NCAM2: variants seen among roughly 807,000 people sequenced by gnomAD.
The protein encoded by NCAM2 is neural cell adhesion molecule 2.
Under a neutral mutation model 98.1 loss-of-function variants are expected in NCAM2, and 30 were observed. The ratio of observed to expected loss-of-function variants is 0.31; its 90% confidence interval spans 0.23 to 0.41. NCAM2 has a LOEUF of 0.41. Among genes scored for constraint, NCAM2 ranks in the 10% least tolerant of loss-of-function variants. NCAM2 has a pLI of 1.00. For synonymous variants in NCAM2, 368 were observed against 342.4 expected (o/e 1.07, Z -0.83); for missense variants, 867 against 1,005.8 (o/e 0.86, Z 1.87).
intron 1 of NCAM2, among the ~76,000 whole-genome samples, chr21:21,039,819 T>C (rs553647009): frequency 8.5e-5 from 13 of 152,264 alleles, no homozygotes; most frequent in Admixed American, 7.8e-4. Flanking sequence ...AGTGTTAGGA[T>C]TGCTTGTTGA....
Position 21,169,034 on chromosome 21 carries a change from T to C in NCAM2, c.56-111544T>C, listed in dbSNP as rs146286882. ...GTTGGAAGACTCCATTATTAGACTT[T>C]AAGATTTACTATCTATCTGCAGTAC... On this transcript the variant is annotated intron_variant, in intron 1 of 17. Coordinates refer to ENST00000400546, the MANE Select transcript of NCAM2 (RefSeq NM_004540.5). 2.6e-5 allele frequency among the ~76,000 whole-genome samples: 4 copies of C among 152,274 alleles called. No homozygotes were observed. The East Asian group carries it at 7.7e-4, about 29-fold the overall frequency.
intron 15 of NCAM2, among the ~76,000 whole-genome samples, chr21:21,483,371 A>T (rs1986062678): frequency 6.6e-6 from 1 of 152,098 alleles, no homozygotes; most frequent in African/African-American, 2.4e-5. Flanking sequence ...AAGCTAAAAA[A>T]AATAATATAA....
At chr21:21,220,740 C>T (rs370645294) in intron 1 of NCAM2, among the ~76,000 whole-genome samples, 3 of 152,090 alleles carry the variant, frequency 2.0e-5, no homozygotes, top group Admixed American at 6.6e-5. Flanking sequence ...TTCTTATTAT[C>T]GTAGAATGTA....
chr21:21,226,926 C>A (rs923676535), intron 1 of NCAM2: 1 of 151,718 alleles, frequency 6.6e-6, no homozygotes, highest in Admixed American at 6.6e-5. Flanking sequence ...ATATGATTAT[C>A]GAAGTTGATG....
intron 1 of NCAM2, among the ~76,000 whole-genome samples, chr21:21,252,925 C>T (rs767874613): frequency 3.3e-5 from 5 of 152,058 alleles, no homozygotes; most frequent in Middle Eastern, 3.4e-3. Flanking sequence ...AGTGAACATC[C>T]GAAGCATTAT....
At chr21:21,040,252 G>A (rs2064877452) in intron 1 of NCAM2, among the ~76,000 whole-genome samples, 1 of 152,104 alleles carries the variant, frequency 6.6e-6, no homozygotes, top group African/African-American at 2.4e-5. Flanking sequence ...AAAGACTCAT[G>A]AAGCTTTGGC....
At chr21:21,475,248 A>G (rs1985015028) in intron 14 of NCAM2, among the ~76,000 whole-genome samples, 2 of 152,056 alleles carry the variant, frequency 1.3e-5, no homozygotes, top group South Asian at 4.1e-4. Context: ...TATTATTTCC[A>G]GGAAGGGTGA....
intron 1 of NCAM2, among the ~76,000 whole-genome samples, chr21:21,156,616 A>G (rs149405077): frequency 1.3e-5 from 2 of 151,550 alleles, no homozygotes; most frequent in African/African-American, 4.8e-5. Flanking sequence ...AGATAGATAG[A>G]TAATTGTAGA....
intron 15 of NCAM2, among the ~76,000 whole-genome samples, chr21:21,507,028 A>G (rs1988021933): frequency 2.6e-5 from 4 of 152,086 alleles, no homozygotes; most frequent in Admixed American, 2.6e-4. Flanking sequence ...CAAAATCACA[A>G]ATTGAATGAT....
intron 14 of NCAM2, among the ~76,000 whole-genome samples, chr21:21,472,967 TACAC>T (rs3039039): frequency 0.039 from 5,615 of 142,280 alleles, 123 homozygotes; most frequent in Non-Finnish European, 0.048. Flanking sequence ...TACATATATG[TACAC>T]ACACACACAC....
chr21:21,289,879 C>T (rs1277352525), intron 4 of NCAM2, among the ~76,000 whole-genome samples: 1 of 151,844 alleles, frequency 6.6e-6, no homozygotes, highest in Non-Finnish European at 1.5e-5. Flanking sequence ...AGATGGGAGT[C>T]AAGGCAAAAC....
intron 1 of NCAM2, among the ~76,000 whole-genome samples, chr21:21,152,955 T>C (rs2067491222): frequency 6.6e-6 from 1 of 151,952 alleles, no homozygotes. Context: ...GAAACCACTG[T>C]GCCATTTTCC....
At position 21,324,379 on chromosome 21, in the gene NCAM2, T is replaced by G. The variant is rs2074456279; in HGVS notation, c.620-4T>G. On this transcript the variant is annotated splice_region_variant and splice_polypyrimidine_tract_variant and intron_variant, in intron 5 of 17. Coordinates refer to ENST00000400546, the MANE Select transcript of NCAM2 (RefSeq NM_004540.5). ...TATTTATTCTGTATTCATCTCTCCTTCAGTGCCGCCAGCAATCTCAATGCC... is the reference window on the plus strand; with the variant it reads ...TATTTATTCTGTATTCATCTCTCCTGCAGTGCCGCCAGCAATCTCAATGCC... The G allele has an allele frequency of 6.2e-7, 1 of 1,608,430 alleles. No individual in the cohort carries two copies. The highest frequency in any genetic ancestry group is 8.5e-7 in the Non-Finnish European group (1 of 1,175,144).
chr21:21,352,279 TG>T (rs1486861413), intron 8 of NCAM2, among the ~76,000 whole-genome samples: 1 of 131,130 alleles, frequency 7.6e-6, no homozygotes, highest in African/African-American at 2.7e-5. Context: ...CTGTTGTTGT[TG>T]GTGGTGGTGG....
chr21:21,537,491 G>T (rs1413221594), intron 17 of NCAM2, among the ~76,000 whole-genome samples: 1 of 152,058 alleles, frequency 6.6e-6, no homozygotes, highest in African/African-American at 2.4e-5. Context: ...ATATTTTGGA[G>T]ATCAACAACT....
intron 1 of NCAM2, among the ~76,000 whole-genome samples, chr21:21,139,842 CTTAA>C (rs1264712887): frequency 6.6e-6 from 1 of 151,906 alleles, no homozygotes; most frequent in East Asian, 1.9e-4. Flanking sequence ...AACTCAATTC[CTTAA>C]TTATTAAAAT....
chr21:21,091,904 C>G (rs1373578588), intron 1 of NCAM2, among the ~76,000 whole-genome samples: 1 of 152,006 alleles, frequency 6.6e-6, no homozygotes, highest in Non-Finnish European at 1.5e-5. Context: ...ACAGCGACAT[C>G]TTGAAAGCTA....
chr21:21,049,111 C>T (rs1452035639), intron 1 of NCAM2, among the ~76,000 whole-genome samples: 2 of 138,544 alleles, frequency 1.4e-5, no homozygotes, highest in African/African-American at 2.7e-5. Flanking sequence ...CTCCGCTTCC[C>T]GGGTTCACGC....
chr21:21,327,545 G>A (rs1388880844), intron 6 of NCAM2, among the ~76,000 whole-genome samples: 2 of 152,084 alleles, frequency 1.3e-5, no homozygotes, highest in Non-Finnish European at 2.9e-5. Context: ...GAAACCGAAA[G>A]TAGATAATTG....
Sources: gnomAD v4.1 joint callset for allele counts (sites outside exome capture counted in the v4.1 genomes callset) on GRCh38, gnomAD v4.1.1 for gene constraint, MANE v1.5 for transcripts, NCBI Gene and HGNC (gene_info 2026-07-23, HGNC 2026-07-21) for gene names.